Variants in CACNB2 observed in about 807,000 individuals in gnomAD.
CACNB2 encodes voltage-dependent L-type calcium channel subunit beta-2.
Under a neutral mutation model 73.3 loss-of-function variants are expected in CACNB2, and 42 were observed. The observed-to-expected ratio is 0.57, with a 90% CI of 0.45 to 0.74. The LOEUF is 0.74. Ranked by LOEUF, CACNB2 falls within the 30% of genes least tolerant of loss-of-function variation. The pLI is 0.00. For synonymous variants in CACNB2, 348 were observed against 310.3 expected (o/e 1.12, Z -1.28); for missense variants, 940 against 853.0 (o/e 1.10, Z -1.27).
At chr10:18,308,714 C>T (rs1437738973) in intron 2 of CACNB2, among the ~76,000 whole-genome samples, 1 of 152,178 alleles carries the variant, frequency 6.6e-6, no homozygotes, top group Non-Finnish European at 1.5e-5. Context: ...CTGCCAAAAA[C>T]AACCCCAAGT....
intron 2 of CACNB2, among the ~76,000 whole-genome samples, chr10:18,167,002 G>A (rs769298608): frequency 6.6e-6 from 1 of 152,188 alleles, no homozygotes; most frequent in Non-Finnish European, 1.5e-5. Context: ...CCCGCTCATT[G>A]AGAATAAGAC....
chr10:18,413,412 A>G (rs573521453), intron 3 of CACNB2, among the ~76,000 whole-genome samples: 1 of 152,150 alleles, frequency 6.6e-6, no homozygotes, highest in Admixed American at 6.5e-5. Context: ...ACTTATAGTT[A>G]GTGTCTTTGG....
At chr10:18,457,514 G>A (rs1208763310) in intron 3 of CACNB2, among the ~76,000 whole-genome samples, 3 of 152,138 alleles carry the variant, frequency 2.0e-5, no homozygotes, top group Admixed American at 2.0e-4. Flanking sequence ...GATGCTGCTG[G>A]GTAATAGTCC....
chr10:18,299,014 A>T (rs183541685), intron 2 of CACNB2, among the ~76,000 whole-genome samples: 14 of 151,446 alleles, frequency 9.2e-5, no homozygotes, highest in Non-Finnish European at 1.6e-4. Flanking sequence ...ACATGTATAC[A>T]CATGTAACAA....
intron 2 of CACNB2, among the ~76,000 whole-genome samples, chr10:18,367,188 C>T (rs924863494): frequency 6.9e-6 from 1 of 145,174 alleles, no homozygotes; most frequent in African/African-American, 2.6e-5. Flanking sequence ...TTGTCACTAA[C>T]AGTAATATAA....
At chr10:18,415,833 C>T (rs2044926277) in intron 3 of CACNB2, among the ~76,000 whole-genome samples, 1 of 152,160 alleles carries the variant, frequency 6.6e-6, no homozygotes, top group South Asian at 2.1e-4. Flanking sequence ...GCCACAGATG[C>T]CTAGAATCTT....
chr10:18,438,135 A>C (rs1270365340), intron 3 of CACNB2, among the ~76,000 whole-genome samples: 1 of 138,644 alleles, frequency 7.2e-6, no homozygotes, highest in Non-Finnish European at 1.5e-5. Flanking sequence ...CTCCTGCCTC[A>C]GCCTCCTGAG....
At chr10:18,537,860 A>G (rs1225005887) in intron 12 of CACNB2, among the ~76,000 whole-genome samples, 1 of 152,176 alleles carries the variant, frequency 6.6e-6, no homozygotes. Flanking sequence ...GTTCAAATAT[A>G]TATACATCTC....
At chr10:18,386,097 C>T (rs1412290013) in intron 2 of CACNB2, among the ~76,000 whole-genome samples, 3 of 152,154 alleles carry the variant, frequency 2.0e-5, no homozygotes, top group East Asian at 1.9e-4. Flanking sequence ...ACAGTGCATT[C>T]GCTTTGCTTG....
intron 2 of CACNB2, among the ~76,000 whole-genome samples, chr10:18,223,101 A>G (rs1325278085): frequency 1.3e-5 from 2 of 152,180 alleles, no homozygotes; most frequent in South Asian, 4.1e-4. Flanking sequence ...GGGCATATTT[A>G]TGGGCATGAC....
chr10:18,153,519 C>T (rs1427386124), intron 2 of CACNB2, among the ~76,000 whole-genome samples: 1 of 151,598 alleles, frequency 6.6e-6, no homozygotes, highest in Non-Finnish European at 1.5e-5. Context: ...GGAGTGTTTG[C>T]AGGAATGCAT....
At chr10:18,285,406 T>C (rs1177857670) in intron 2 of CACNB2, among the ~76,000 whole-genome samples, 1 of 152,228 alleles carries the variant, frequency 6.6e-6, no homozygotes, top group African/African-American at 2.4e-5. Flanking sequence ...CATGTTTTTC[T>C]GTGGTCACCA....
At chr10:18,309,332 C>A (rs2039870164) in intron 2 of CACNB2, among the ~76,000 whole-genome samples, 1 of 152,196 alleles carries the variant, frequency 6.6e-6, no homozygotes, top group African/African-American at 2.4e-5. Context: ...AATTTTTACA[C>A]TGAAGCCGGA....
At chr10:18,443,696 A>G (rs2046587739) in intron 3 of CACNB2, among the ~76,000 whole-genome samples, 5 of 149,676 alleles carry the variant, frequency 3.3e-5, no homozygotes, top group Admixed American at 2.0e-4. Context: ...AATGAACCAG[A>G]TGATTCAATT....
chr10:18,451,627 C>T (rs1031340444), intron 3 of CACNB2, among the ~76,000 whole-genome samples: 2 of 152,182 alleles, frequency 1.3e-5, no homozygotes, highest in African/African-American at 4.8e-5. Context: ...TTCTTTGTTA[C>T]TCCTCTCCCA....
At chr10:18,359,917 G>C (rs190782137) in intron 2 of CACNB2, among the ~76,000 whole-genome samples, 5 of 152,168 alleles carry the variant, frequency 3.3e-5, no homozygotes, top group Admixed American at 1.3e-4. Flanking sequence ...AAAGAGTCCT[G>C]GGTTGTAAAT....
At chr10:18,249,237 C>G (rs2036990176) in intron 2 of CACNB2, among the ~76,000 whole-genome samples, 1 of 152,204 alleles carries the variant, frequency 6.6e-6, no homozygotes, top group African/African-American at 2.4e-5. Flanking sequence ...AGTGGGTGAA[C>G]CAACTAAGAG....
intron 3 of CACNB2, among the ~76,000 whole-genome samples, chr10:18,443,369 AC>A: frequency 6.6e-6 from 1 of 152,006 alleles, no homozygotes; most frequent in East Asian, 2.0e-4. Flanking sequence ...TGACTAGGGA[AC>A]CAATGAGGCT....
In CACNB2 at chr10:18,500,735, C is replaced by G. The variant is rs774229845; in HGVS notation, c.457-77C>G. The G allele has an allele frequency of 2.1e-4, 295 of 1,430,616 alleles. 1 individual carries two copies. The Middle Eastern group carries it at 6.7e-3, about 33-fold the overall frequency. 88.6% of individuals were successfully genotyped at this position (1,430,616 alleles called of 1,614,324 possible). ...TTAATGGTCATTGCCATATTTCTCT[C>G]GACTGAAAATAGTGTGGAAGAACAA... On this transcript the variant is annotated intron_variant, in intron 4 of 13. Coordinates refer to ENST00000324631, the MANE Select transcript of CACNB2 (RefSeq NM_201596.3).
Sources: allele counts gnomAD v4.1 joint callset (sites outside exome capture counted in the v4.1 genomes callset), GRCh38; gene constraint gnomAD v4.1.1; transcripts MANE v1.5; gene names NCBI Gene and HGNC (gene_info 2026-07-23, HGNC 2026-07-21).